The following ALK variants were observed in gnomAD, a reference collection of about 807,000 sequenced individuals.
The protein encoded by ALK is ALK tyrosine kinase receptor.
A neutral mutation model predicts 163.1 loss-of-function variants in ALK; 74 were observed. The observed-to-expected ratio is 0.45, with a 90% CI of 0.38 to 0.55. The LOEUF is 0.55. ALK is among the 20% of genes least tolerant of loss of function. ALK has a pLI of 0.00. For missense variants in ALK, 2,063 were observed against 2,105.3 expected, an observed-to-expected ratio of 0.98 and a Z score of 0.39; for synonymous variants, 960 against 843.2, an observed-to-expected ratio of 1.14 and a Z score of -2.40.
chr2:29,454,909 A>G (rs892510983), intron 4 of ALK, among the ~76,000 whole-genome samples: 2 of 152,158 alleles, frequency 1.3e-5, no homozygotes, highest in African/African-American at 4.8e-5. Context: ...TGTTCAAATA[A>G]AAGTCCTATG....
At chr2:29,379,117 C>T (rs771745663) in intron 5 of ALK, among the ~76,000 whole-genome samples, 17 of 152,262 alleles carry the variant, frequency 1.1e-4, no homozygotes, top group African/African-American at 3.6e-4. Flanking sequence ...GAGTGTCCTG[C>T]GTGATCCTAT....
intron 4 of ALK, among the ~76,000 whole-genome samples, chr2:29,484,608 C>T (rs1425921847): frequency 6.6e-6 from 1 of 152,086 alleles, no homozygotes; most frequent in Non-Finnish European, 1.5e-5. Flanking sequence ...AAAAATTTAG[C>T]AACCAAATTT....
At chr2:29,574,485 GA>G (rs1245190624) in intron 3 of ALK, among the ~76,000 whole-genome samples, 1 of 152,236 alleles carries the variant, frequency 6.6e-6, no homozygotes, top group African/African-American at 2.4e-5. Flanking sequence ...GGACAGACTT[GA>G]TTTTATATGT....
chr2:29,538,094 C>T (rs906908919), intron 3 of ALK, among the ~76,000 whole-genome samples: 5 of 152,030 alleles, frequency 3.3e-5, no homozygotes, highest in African/African-American at 1.2e-4. Flanking sequence ...GGACTGTGGA[C>T]ATGGAACATT....
intron 3 of ALK, among the ~76,000 whole-genome samples, chr2:29,676,700 A>C (rs1677884038): frequency 6.6e-6 from 1 of 152,076 alleles, no homozygotes; most frequent in South Asian, 2.1e-4. Context: ...TTTGATAGCA[A>C]TTACATTAAG....
chr2:29,592,006 G>C (rs1277218817), intron 3 of ALK, among the ~76,000 whole-genome samples: 2 of 151,974 alleles, frequency 1.3e-5, no homozygotes, highest in East Asian at 1.9e-4. Context: ...ACAAAGTCAA[G>C]GCTACCCACA....
chr2:29,704,072 G>A lies in ALK; in HGVS notation c.788-9058C>T, dbSNP rs149915003. Reference sequence around the variant, plus strand: ...CTTAATGGCATAGGAAAATGCCAATGTATTCCTGACAAGCCTGGTTAAGTG... The same window carrying A: ...CTTAATGGCATAGGAAAATGCCAATATATTCCTGACAAGCCTGGTTAAGTG... On this transcript the variant is annotated intron_variant, in intron 2 of 28. Coordinates refer to ENST00000389048, the MANE Select transcript of ALK (RefSeq NM_004304.5). Among the ~76,000 whole-genome samples the A allele has an allele frequency of 1.6e-4, 24 of 152,152 alleles. No individual in the cohort carries two copies. In the East Asian group the frequency reaches 4.5e-3, roughly 28 times the overall value.
At chr2:29,799,491 A>T (rs780366668) in intron 1 of ALK, among the ~76,000 whole-genome samples, 12 of 151,778 alleles carry the variant, frequency 7.9e-5, no homozygotes, top group Non-Finnish European at 1.8e-4. Context: ...ACACAGTGGG[A>T]TCCTGTCTCA....
intron 2 of ALK, among the ~76,000 whole-genome samples, chr2:29,701,041 A>C (rs1394377439): frequency 1.3e-5 from 2 of 152,180 alleles, no homozygotes; most frequent in African/African-American, 4.8e-5. Flanking sequence ...AGGCCGAGAC[A>C]CTCAAGGAGA....
intron 8 of ALK, among the ~76,000 whole-genome samples, chr2:29,305,377 T>C (rs1666481545): frequency 6.6e-6 from 1 of 152,172 alleles, no homozygotes; most frequent in South Asian, 2.1e-4. Context: ...ACTACCCTCT[T>C]GGACCTGCAG....
intron 23 of ALK, among the ~76,000 whole-genome samples, chr2:29,215,802 G>A (rs914619157): frequency 7.9e-5 from 12 of 152,200 alleles, no homozygotes; most frequent in Admixed American, 7.2e-4. Context: ...GCTGACCCGG[G>A]CTCCACCCTG....
At chr2:29,584,034 G>A (rs1674800360) in intron 3 of ALK, among the ~76,000 whole-genome samples, 1 of 152,146 alleles carries the variant, frequency 6.6e-6, no homozygotes, top group South Asian at 2.1e-4. Context: ...TGGAGCATAA[G>A]GGAGCAGAAG....
In ALK at chr2:29,641,038, G is replaced by A. The variant is rs114707064; in HGVS notation, c.952+53812C>T. Among the ~76,000 whole-genome samples, 1,424 of 152,232 alleles carry A rather than the reference G, an allele frequency of 9.4e-3. 23 individuals are homozygous for A. The highest frequency in any genetic ancestry group is 0.032 in the African/African-American group (1,347 of 41,530). ...AGCTGAAAACAGTATAGTGCTTGGC[G>A]GGGGCAGTGATGGTGAGGGGAAGAA... On this transcript the variant is annotated intron_variant, in intron 3 of 28. Transcript: ENST00000389048.
intron 1 of ALK, among the ~76,000 whole-genome samples, chr2:29,771,727 G>A (rs1303987514): frequency 6.6e-6 from 1 of 151,970 alleles, no homozygotes; most frequent in South Asian, 2.1e-4. Flanking sequence ...GTAGAGACGG[G>A]GTTTCACCGT....
intron 3 of ALK, among the ~76,000 whole-genome samples, chr2:29,567,857 A>C (rs1410180126): frequency 6.6e-6 from 1 of 152,244 alleles, no homozygotes; most frequent in Non-Finnish European, 1.5e-5. Flanking sequence ...GTTTAGTTTC[A>C]GAGAAAGCTC....
intron 3 of ALK, among the ~76,000 whole-genome samples, chr2:29,641,383 G>A (rs774743224): frequency 4.6e-5 from 7 of 152,042 alleles, no homozygotes; most frequent in South Asian, 2.1e-4. Flanking sequence ...TGACCACAGC[G>A]CGTGATTCTG....
chr2:29,794,867 G>A (rs866196023), intron 1 of ALK, among the ~76,000 whole-genome samples: 9 of 152,240 alleles, frequency 5.9e-5, no homozygotes, highest in Middle Eastern at 3.4e-3. Flanking sequence ...TTACCAAAAT[G>A]TGACACAGAG....
chr2:29,551,137 C>T (rs978951176), intron 3 of ALK, among the ~76,000 whole-genome samples: 1 of 152,046 alleles, frequency 6.6e-6, no homozygotes, highest in Non-Finnish European at 1.5e-5. Flanking sequence ...TTCTTTTACC[C>T]AATAATTTCC....
chr2:29,300,214 CCA>C (rs1553406583), intron 8 of ALK, among the ~76,000 whole-genome samples: 1 of 65,986 alleles, frequency 1.5e-5, no homozygotes, highest in Non-Finnish European at 4.5e-5. Flanking sequence ...CTTGAGATGC[CCA>C]AGAGTGGAGG....
Sources: allele counts gnomAD v4.1 joint callset (sites outside exome capture counted in the v4.1 genomes callset), GRCh38; gene constraint gnomAD v4.1.1; transcripts MANE v1.5; gene names NCBI Gene and HGNC (gene_info 2026-07-23, HGNC 2026-07-21).